Variants in ST6GALNAC3 observed in about 807,000 individuals in gnomAD.
The protein encoded by ST6GALNAC3 is ST6 N-acetylgalactosaminide alpha-2,6-sialyltransferase 3.
Under a neutral mutation model 32.7 loss-of-function variants are expected in ST6GALNAC3, and 25 were observed. That is an observed-to-expected ratio of 0.76 (90% CI 0.56 to 1.07). ST6GALNAC3 has a LOEUF of 1.07. Ranked by LOEUF, ST6GALNAC3 falls within the 50% of genes least tolerant of loss-of-function variation. ST6GALNAC3 has a pLI of 0.00. For synonymous variants in ST6GALNAC3, 129 were observed against 133.1 expected (o/e 0.97, Z 0.21); for missense variants, 355 against 382.4 (o/e 0.93, Z 0.60).
chr1:76,340,078 G>A (rs999642068), intron 2 of ST6GALNAC3, among the ~76,000 whole-genome samples: 1 of 152,168 alleles, frequency 6.6e-6, no homozygotes, highest in African/African-American at 2.4e-5. Flanking sequence ...ACCTCACAAG[G>A]CTGGTATGAG....
At chr1:76,555,332 T>C (rs1466149757) in intron 3 of ST6GALNAC3, among the ~76,000 whole-genome samples, 1 of 152,184 alleles carries the variant, frequency 6.6e-6, no homozygotes, top group Non-Finnish European at 1.5e-5. Flanking sequence ...ATAATTGGAA[T>C]TGAATTCTAG....
At chr1:76,308,019 G>T in intron 1 of ST6GALNAC3, 1 of 409,874 alleles carries the variant, frequency 2.4e-6, no homozygotes, top group Non-Finnish European at 5.0e-6. Flanking sequence ...AGCTGTTAAA[G>T]GCCCCTTCAG....
chr1:76,252,181 A>ACGATGTT (rs1256274789), intron 1 of ST6GALNAC3, among the ~76,000 whole-genome samples: 8 of 152,152 alleles, frequency 5.3e-5, no homozygotes, highest in South Asian at 2.1e-4. Flanking sequence ...GACCCTGTAT[A>ACGATGTT]CGATGTTCGT....
intron 2 of ST6GALNAC3, among the ~76,000 whole-genome samples, chr1:76,356,894 A>G (rs752742646): frequency 6.6e-6 from 1 of 152,230 alleles, no homozygotes; most frequent in East Asian, 1.9e-4. Flanking sequence ...CGGTCTAAAC[A>G]TAAGAATTGT....
At chr1:76,147,168 T>C (rs1650739423) in intron 1 of ST6GALNAC3, among the ~76,000 whole-genome samples, 1 of 151,806 alleles carries the variant, frequency 6.6e-6, no homozygotes, top group African/African-American at 2.4e-5. Flanking sequence ...GTTCAAGTGA[T>C]TCTCCTGCCT....
chr1:76,232,790 C>T (rs946853763), intron 1 of ST6GALNAC3, among the ~76,000 whole-genome samples: 12 of 152,166 alleles, frequency 7.9e-5, no homozygotes, highest in African/African-American at 2.7e-4. Flanking sequence ...TTGACTTGAG[C>T]GTTAAAGCGG....
At chr1:76,520,750 A>G (rs1412788043) in intron 3 of ST6GALNAC3, among the ~76,000 whole-genome samples, 3 of 152,056 alleles carry the variant, frequency 2.0e-5, no homozygotes, top group Non-Finnish European at 2.9e-5. Flanking sequence ...GACCTTGTTT[A>G]TTCCAAGTAA....
intron 3 of ST6GALNAC3, among the ~76,000 whole-genome samples, chr1:76,507,347 T>C (rs1385540585): frequency 6.6e-6 from 1 of 152,222 alleles, no homozygotes; most frequent in Non-Finnish European, 1.5e-5. Flanking sequence ...GCTTTTAGTA[T>C]ATTCAGAGTT....
At chr1:76,305,507 G>A (rs6661158) in intron 1 of ST6GALNAC3, among the ~76,000 whole-genome samples, 6,365 of 152,128 alleles carry the variant, frequency 0.042, 416 homozygotes, top group African/African-American at 0.14. Context: ...GGATAGACAG[G>A]ATCAGGTTTG....
intron 3 of ST6GALNAC3, among the ~76,000 whole-genome samples, chr1:76,545,472 TC>T (rs1254244889): frequency 6.6e-6 from 1 of 152,088 alleles, no homozygotes; most frequent in African/African-American, 2.4e-5. Flanking sequence ...TCCAAGACAG[TC>T]CTAATCAACC....
At chr1:76,349,574 A>C (rs1648805580) in intron 2 of ST6GALNAC3, among the ~76,000 whole-genome samples, 1 of 152,154 alleles carries the variant, frequency 6.6e-6, no homozygotes, top group African/African-American at 2.4e-5. Flanking sequence ...GCAAGAGGAA[A>C]ATGACCCAAA....
intron 3 of ST6GALNAC3, among the ~76,000 whole-genome samples, chr1:76,549,881 A>T (rs1206246116): frequency 1.3e-5 from 2 of 152,310 alleles, no homozygotes; most frequent in East Asian, 3.9e-4. Flanking sequence ...TCAATCTTTT[A>T]GTGTGAAATG....
chr1:76,200,870 G>A (rs1654477911), intron 1 of ST6GALNAC3, among the ~76,000 whole-genome samples: 1 of 152,124 alleles, frequency 6.6e-6, no homozygotes, highest in Non-Finnish European at 1.5e-5. Context: ...AAGGAGGCAG[G>A]ATGGAGTGGG....
chr1:76,412,977 G>A (rs1222002225), intron 3 of ST6GALNAC3: 1 of 359,368 alleles, frequency 2.8e-6, no homozygotes. Flanking sequence ...AAAATCATTA[G>A]CAGTTGAATT....
intron 2 of ST6GALNAC3, among the ~76,000 whole-genome samples, chr1:76,406,696 A>G (rs1430051984): frequency 6.6e-6 from 1 of 152,052 alleles, no homozygotes; most frequent in African/African-American, 2.4e-5. Context: ...ATCTGCATAT[A>G]TGTATATTAA....
intron 3 of ST6GALNAC3, among the ~76,000 whole-genome samples, chr1:76,551,442 G>T (rs1056020249): frequency 6.6e-6 from 1 of 152,034 alleles, no homozygotes; most frequent in Non-Finnish European, 1.5e-5. Flanking sequence ...ATTTTTAGCT[G>T]CATTGCAGTT....
At chr1:76,365,946 T>C (rs1239018710) in intron 2 of ST6GALNAC3, among the ~76,000 whole-genome samples, 1 of 152,162 alleles carries the variant, frequency 6.6e-6, no homozygotes, top group East Asian at 1.9e-4. Context: ...TTATTCAGAA[T>C]CCTTGGCAAT....
chr1:76,279,730 A>G (rs1272051141), intron 1 of ST6GALNAC3, among the ~76,000 whole-genome samples: 1 of 152,232 alleles, frequency 6.6e-6, no homozygotes, highest in African/African-American at 2.4e-5. Context: ...GAGCCAGAGC[A>G]CAACTGTGAC....
chr1:76,287,978 C>T (rs1570823), intron 1 of ST6GALNAC3, among the ~76,000 whole-genome samples: 1 of 152,092 alleles, frequency 6.6e-6, no homozygotes, highest in Non-Finnish European at 1.5e-5. Context: ...GTTTAGCAAT[C>T]AGCCTGCCTT....
Sources: gnomAD v4.1 joint callset for allele counts (sites outside exome capture counted in the v4.1 genomes callset) on GRCh38, gnomAD v4.1.1 for gene constraint, MANE v1.5 for transcripts, NCBI Gene and HGNC (gene_info 2026-07-23, HGNC 2026-07-21) for gene names.